The following XRCC4 variants were observed in gnomAD, a reference collection of about 807,000 sequenced individuals.
The protein encoded by XRCC4 is DNA repair protein XRCC4.
A neutral mutation model predicts 39.1 loss-of-function variants in XRCC4; 28 were observed. The observed-to-expected ratio is 0.72, with a 90% CI of 0.53 to 0.98. The LOEUF is 0.98. Among genes scored for constraint, XRCC4 ranks in the 50% least tolerant of loss-of-function variants. XRCC4 has a pLI of 0.00. For synonymous variants in XRCC4, 123 were observed against 126.4 expected (o/e 0.97, Z 0.18); for missense variants, 350 against 376.4 (o/e 0.93, Z 0.58).
At chr5:83,345,631 C>T (rs1756896761) in intron 7 of XRCC4, among the ~76,000 whole-genome samples, 1 of 152,112 alleles carries the variant, frequency 6.6e-6, no homozygotes, top group African/African-American at 2.4e-5. Context: ...ATATTACTCT[C>T]AGAACATGTT....
chr5:83,108,877 A>C (rs951818646), intron 2 of XRCC4, among the ~76,000 whole-genome samples: 1 of 148,668 alleles, frequency 6.7e-6, no homozygotes, highest in Non-Finnish European at 1.5e-5. Flanking sequence ...TAGAAGAGCT[A>C]CTAGGGCATT....
intron 7 of XRCC4, chr5:83,310,757 A>C (rs1755681250): frequency 2.2e-6 from 1 of 456,526 alleles, no homozygotes; most frequent in Non-Finnish European, 4.4e-6. Flanking sequence ...ATCTGGATGA[A>C]CCCTAAATGC....
intron 7 of XRCC4, among the ~76,000 whole-genome samples, chr5:83,302,695 G>A (rs1206570414): frequency 1.3e-5 from 2 of 152,110 alleles, no homozygotes; most frequent in Admixed American, 1.3e-4. Context: ...TTTTATTCAC[G>A]GAGAACAGCT....
intron 6 of XRCC4, among the ~76,000 whole-genome samples, chr5:83,210,787 C>T (rs925434312): frequency 2.0e-5 from 3 of 152,124 alleles, no homozygotes; most frequent in Non-Finnish European, 2.9e-5. Context: ...TAATAGAATG[C>T]ACATATTTCT....
At chr5:83,159,938 G>T in intron 3 of XRCC4, among the ~76,000 whole-genome samples, 1 of 152,004 alleles carries the variant, frequency 6.6e-6, no homozygotes, top group Non-Finnish European at 1.5e-5. Context: ...TAGAGCCTCT[G>T]AAATTCTGAT....
chr5:83,155,354 A>G (rs1200334148), intron 3 of XRCC4, among the ~76,000 whole-genome samples: 3 of 152,196 alleles, frequency 2.0e-5, no homozygotes, highest in African/African-American at 7.2e-5. Flanking sequence ...TAGTTCTTAC[A>G]TTTGAGCAAA....
chr5:83,239,842 AT>A (rs754923665), intron 6 of XRCC4, among the ~76,000 whole-genome samples: 21 of 151,452 alleles, frequency 1.4e-4, no homozygotes, highest in East Asian at 1.4e-3. Flanking sequence ...AAAAAAAAAA[AT>A]ATTTTTCCTT....
At chr5:83,229,538 G>T (rs1752416442) in intron 6 of XRCC4, among the ~76,000 whole-genome samples, 1 of 150,926 alleles carries the variant, frequency 6.6e-6, no homozygotes. Flanking sequence ...TTCTTATTTT[G>T]GGGGGAAAAA....
At chr5:83,250,355 T>C (rs1753259360) in intron 6 of XRCC4, among the ~76,000 whole-genome samples, 1 of 152,204 alleles carries the variant, frequency 6.6e-6, no homozygotes, top group African/African-American at 2.4e-5. Flanking sequence ...ATCAATAATA[T>C]GGTATTTCAC....
At chr5:83,130,110 T>G (rs902336324) in intron 3 of XRCC4, among the ~76,000 whole-genome samples, 16 of 152,176 alleles carry the variant, frequency 1.1e-4, no homozygotes, top group African/African-American at 3.9e-4. Flanking sequence ...GGGTTTGTTG[T>G]GAATAGCTCT....
chr5:83,370,894 T>G, the XRCC4 span, among the ~76,000 whole-genome samples: 1 of 152,178 alleles, frequency 6.6e-6, no homozygotes, highest in African/African-American at 2.4e-5. Flanking sequence ...CTCTTTCTCC[T>G]GCTTTAGTCA....
intron 7 of XRCC4, among the ~76,000 whole-genome samples, chr5:83,329,673 C>T (rs533020557): frequency 6.6e-6 from 1 of 152,170 alleles, no homozygotes; most frequent in African/African-American, 2.4e-5. Flanking sequence ...GCAATAGGAA[C>T]ACAGCAGCAC....
intron 3 of XRCC4, among the ~76,000 whole-genome samples, chr5:83,178,763 A>G (rs1047354113): frequency 4.6e-5 from 7 of 152,172 alleles, no homozygotes; most frequent in Non-Finnish European, 7.3e-5. Context: ...TGGAGAGAGG[A>G]TAATCGACAT....
chr5:83,352,683 A>G (rs1238182740), intron 7 of XRCC4, among the ~76,000 whole-genome samples: 3 of 152,196 alleles, frequency 2.0e-5, no homozygotes, highest in Non-Finnish European at 2.9e-5. Context: ...TGATCATCAG[A>G]CCCACTAAAG....
At chr5:83,141,529 TGTTTTA>T (rs1323083061) in intron 3 of XRCC4, among the ~76,000 whole-genome samples, 1 of 152,166 alleles carries the variant, frequency 6.6e-6, no homozygotes, top group East Asian at 1.9e-4. Flanking sequence ...ATCTCAGTGT[TGTTTTA>T]GTTTGCATTT....
At chr5:83,147,793 TC>T (rs1478506807) in intron 3 of XRCC4, among the ~76,000 whole-genome samples, 1 of 118,382 alleles carries the variant, frequency 8.4e-6, no homozygotes, top group East Asian at 2.0e-4. Flanking sequence ...ATATTTCTTT[TC>T]TTTTTTTTTT....
chr5:83,193,612 G>A (rs936192833), intron 3 of XRCC4, among the ~76,000 whole-genome samples: 1 of 152,072 alleles, frequency 6.6e-6, no homozygotes, highest in African/African-American at 2.4e-5. Flanking sequence ...AGTGTAGAGG[G>A]CTGGACTTGT....
At chr5:83,321,958 G>A (rs2112134682) in intron 7 of XRCC4, among the ~76,000 whole-genome samples, 1 of 149,310 alleles carries the variant, frequency 6.7e-6, no homozygotes, top group African/African-American at 2.5e-5. Context: ...TATGAATTAA[G>A]GAATATTTTA....
intron 3 of XRCC4, among the ~76,000 whole-genome samples, chr5:83,186,856 G>T (rs1368134810): frequency 6.6e-6 from 1 of 152,072 alleles, no homozygotes; most frequent in Non-Finnish European, 1.5e-5. Context: ...GCTGTGTTCT[G>T]GAGGCTCTAC....
Sources: allele counts gnomAD v4.1 joint callset (sites outside exome capture counted in the v4.1 genomes callset), GRCh38; gene constraint gnomAD v4.1.1; transcripts MANE v1.5; gene names NCBI Gene and HGNC (gene_info 2026-07-23, HGNC 2026-07-21).